DHTKD1: variants seen among roughly 807,000 people sequenced by gnomAD.
DHTKD1 encodes dehydrogenase E1 and transketolase domain containing 1.
In DHTKD1, 78 loss-of-function variants were observed where a neutral mutation model predicts 101.8. The ratio of observed to expected loss-of-function variants is 0.77; its 90% confidence interval spans 0.64 to 0.93. The LOEUF (loss-of-function observed/expected upper bound fraction) is 0.93. DHTKD1 is among the 40% of genes least tolerant of loss of function. DHTKD1 has a pLI of 0.00. For synonymous variants in DHTKD1, 462 were observed against 450.3 expected (o/e 1.03, Z -0.33); for missense variants, 1,223 against 1,161.7 (o/e 1.05, Z -0.77).
chr10:12,072,664 A>G (rs1234708628), intron 1 of DHTKD1, among the ~76,000 whole-genome samples: 4 of 151,754 alleles, frequency 2.6e-5, no homozygotes, highest in Non-Finnish European at 5.9e-5. Context: ...TTCCAAGGAA[A>G]CTTGAATTTA....
chr10:12,071,074 C>T (rs148770507), intron 1 of DHTKD1, among the ~76,000 whole-genome samples: 174 of 152,248 alleles, frequency 1.1e-3, no homozygotes, highest in African/African-American at 4.0e-3. Flanking sequence ...TAATCCAATG[C>T]CATATATATT....
intron 1 of DHTKD1, among the ~76,000 whole-genome samples, chr10:12,071,142 A>G (rs1408197642): frequency 6.6e-6 from 1 of 152,162 alleles, no homozygotes; most frequent in Non-Finnish European, 1.5e-5. Flanking sequence ...ATTAGATTGG[A>G]AGAGTTCAGG....
At position 12,092,880 on chromosome 10, in the gene DHTKD1, TTTG is replaced by T. The variant is rs903653979; in HGVS notation, c.1160-1178_1160-1176del. On this transcript the variant is annotated intron_variant, in intron 6 of 16. Coordinates refer to ENST00000263035, the MANE Select transcript of DHTKD1 (RefSeq NM_018706.7). ...TTATCTGTGGAAATTGGTAGGTTTT[TTTG>T]TTGTTGTTGTTGTTTTGAGAGTCTT... is the stretch of plus-strand genomic sequence containing the variant. Among the ~76,000 whole-genome samples the T allele has an allele frequency of 1.3e-4, 20 of 151,988 alleles. No individual in the cohort carries two copies. In the East Asian group the frequency reaches 1.4e-3, roughly 10 times the overall value.
chr10:12,074,357 T>G lies in DHTKD1; in HGVS notation c.154+5170T>G, dbSNP rs750730867. 4.8e-4 allele frequency among the ~76,000 whole-genome samples: 73 copies of G among 151,978 alleles called. 1 individual carries two copies. The highest frequency in any genetic ancestry group is 4.2e-4 in the South Asian group (2 of 4,810). ...CACCACATCCAGCTAATTTTTGTAT[T>G]TTTTTGTTTTGTTTTTGAGACGGAG... On this transcript the variant is annotated intron_variant, in intron 1 of 16. Transcript: ENST00000263035.
At chr10:12,092,057 T>A (rs1340084354) in intron 6 of DHTKD1, among the ~76,000 whole-genome samples, 1 of 151,594 alleles carries the variant, frequency 6.6e-6, no homozygotes, top group African/African-American at 2.4e-5. Flanking sequence ...GATCTCGGCT[T>A]ACTGCAACCT....
intron 1 of DHTKD1, among the ~76,000 whole-genome samples, chr10:12,078,032 A>G (rs973070483): frequency 2.6e-5 from 4 of 152,092 alleles, no homozygotes; most frequent in African/African-American, 9.7e-5. Context: ...AAACTGCTAC[A>G]TGCCTCATGT....
chr10:12,101,744 C>T (rs962648724), intron 10 of DHTKD1, among the ~76,000 whole-genome samples: 2 of 152,066 alleles, frequency 1.3e-5, no homozygotes, highest in Non-Finnish European at 2.9e-5. Context: ...GCTGGGACCA[C>T]GGGAATGAGG....
rs144353487 is a variant in DHTKD1 at position 12,076,293 on chromosome 10, C to T, written c.155-5179C>T. Reference sequence around the variant, plus strand: ...GAGATACAGACTATCCTGGCTAACACGGTGAAACCCCGTCTCTACTAAAAT... The same window carrying T: ...GAGATACAGACTATCCTGGCTAACATGGTGAAACCCCGTCTCTACTAAAAT... On this transcript the variant is annotated intron_variant, in intron 1 of 16. Coordinates refer to ENST00000263035, the MANE Select transcript of DHTKD1 (RefSeq NM_018706.7). Among the ~76,000 whole-genome samples the T allele has an allele frequency of 2.8e-3, 424 of 152,292 alleles. 3 individuals carry two copies. The highest frequency in any genetic ancestry group is 0.024 in the Middle Eastern group (7 of 294).
chr10:12,093,014 A>G (rs1442660564), intron 6 of DHTKD1, among the ~76,000 whole-genome samples: 1 of 148,958 alleles, frequency 6.7e-6, no homozygotes, highest in Non-Finnish European at 1.5e-5. Flanking sequence ...AGTAGCTGCG[A>G]TTTACAGACA....
intron 7 of DHTKD1, 60 bp downstream of exon 7, chr10:12,094,331 C>T (rs751924782): frequency 2.7e-6 from 4 of 1,458,618 alleles, no homozygotes; most frequent in Non-Finnish European, 3.8e-6. Context: ...TATTATTATT[C>T]TTTTGAGATG....
At chr10:12,104,967 C>T in intron 10 of DHTKD1, among the ~76,000 whole-genome samples, 1 of 151,728 alleles carries the variant, frequency 6.6e-6, no homozygotes, top group Non-Finnish European at 1.5e-5. Context: ...CTCCACCTCC[C>T]AGGTTCAAGC....
At chr10:12,084,410 A>G (rs919487913) in intron 2 of DHTKD1, 130 bp from the exon 3 acceptor site, 7 of 621,772 alleles carry the variant, frequency 1.1e-5, no homozygotes, top group Middle Eastern at 4.3e-4. Flanking sequence ...AATGCCTTCA[A>G]TTAAAGGGGG....
intron 1 of DHTKD1, among the ~76,000 whole-genome samples, chr10:12,078,482 C>T (rs758289086): frequency 1.4e-4 from 22 of 151,818 alleles, no homozygotes; most frequent in South Asian, 4.1e-4. Context: ...CATGGCGGCA[C>T]GCACCTGCAA....
intron 5 of DHTKD1, among the ~76,000 whole-genome samples, chr10:12,090,429 TTCCTTCCTTCC>T (rs1832972688): frequency 3.5e-5 from 3 of 84,782 alleles, no homozygotes; most frequent in Admixed American, 1.2e-4. Context: ...TCCTTCCTTT[TTCCTTCCTTCC>T]TTCCTTCCTT....
At position 12,069,002 on chromosome 10, in the gene DHTKD1, C is replaced by T. The variant is rs758324515; in HGVS notation, c.-32C>T. On this transcript the variant is annotated 5_prime_UTR_variant, in exon 1 of 17. Transcript: ENST00000263035. ...CCGGTGGGATCCCCTCGGGCTCCCG[C>T]CTTAGCATGCTGGCCGGGACATCTG... is the stretch of plus-strand genomic sequence containing the variant. The T allele has an allele frequency of 6.2e-7, 1 of 1,611,762 alleles. No individual in the cohort carries two copies. The highest frequency in any genetic ancestry group is 1.1e-5 in the South Asian group (1 of 90,890).
At chr10:12,088,824 A>T (rs1187178518) in intron 4 of DHTKD1, among the ~76,000 whole-genome samples, 162 bp from the exon 5 acceptor site, 1 of 152,024 alleles carries the variant, frequency 6.6e-6, no homozygotes, top group East Asian at 1.9e-4. Context: ...ACCTCAAGTG[A>T]TCTTCCCGTC....
At position 12,094,279 on chromosome 10, in the gene DHTKD1, T is replaced by G. The variant is rs761757672; in HGVS notation, c.1358+8T>G. On this transcript the variant is annotated splice_region_variant and intron_variant, in intron 7 of 16. Coordinates refer to ENST00000263035, the MANE Select transcript of DHTKD1 (RefSeq NM_018706.7). ...CATGTACAAAATCATCAGGTACAAT[T>G]ATAAACCCTTGTGTGATATGCCCCC... The G allele has an allele frequency of 5.6e-6, 9 of 1,612,414 alleles. No homozygotes were observed. Among genetic ancestry groups the G allele is most frequent in the African/African-American group, 2.7e-5 (2 of 74,902 alleles).
At chr10:12,069,284 G>A in intron 1 of DHTKD1, 97 bp downstream of exon 1, 3 of 1,005,510 alleles carry the variant, frequency 3.0e-6, no homozygotes, top group Admixed American at 6.4e-5. Context: ...GGAACCGGCT[G>A]CCGGCCTGAA....
chr10:12,098,247 T>G (rs1833104423), intron 8 of DHTKD1, among the ~76,000 whole-genome samples: 1 of 152,228 alleles, frequency 6.6e-6, no homozygotes, highest in Non-Finnish European at 1.5e-5. Flanking sequence ...CTGGAATACA[T>G]GCACACTATA....
Sources: gnomAD v4.1 joint callset for allele counts (sites outside exome capture counted in the v4.1 genomes callset) on GRCh38, gnomAD v4.1.1 for gene constraint, MANE v1.5 for transcripts, NCBI Gene and HGNC (gene_info 2026-07-23, HGNC 2026-07-21) for gene names.